PLCE1: variants seen among roughly 807,000 people sequenced by gnomAD.
PLCE1 encodes the protein 1-phosphatidylinositol 4,5-bisphosphate phosphodiesterase epsilon-1.
PLCE1 carries 119 observed loss-of-function variants against 242.8 expected under a neutral mutation model. The observed-to-expected ratio is 0.49, with a 90% confidence interval of 0.42 to 0.57. The LOEUF is 0.57. PLCE1 is among the 20% of genes least tolerant of loss of function. The pLI, the probability that PLCE1 is intolerant of heterozygous loss-of-function variation, is 0.00. For missense variants in PLCE1, 2,441 were observed against 2,788.8 expected (o/e 0.88, Z 2.81); for synonymous variants, 945 against 1,017.4 (o/e 0.93, Z 1.35).
At position 94,236,089 on chromosome 10, in the gene PLCE1, A is replaced by C. The variant is rs746317392; in HGVS notation, c.2389A>C (p.Lys797Gln). ...DSPSEGNSSRKSSLKDKSRWQ... is the reference protein window; with the variant it reads ...DSPSEGNSSRQSSLKDKSRWQ... ...CCCCAGTGAAGGAAACAGCTCCAGG[A>C]AAAGCTCCTTGAAGGATAAAAGCCG... Residue 797 changes from lysine (K) to glutamine (Q), a missense_variant, in exon 7 of 33, where the codon AAA (lysine) becomes CAA (glutamine). Physicochemically the swap from Lys to Gln is moderately conservative, Grantham distance 53. Coordinates refer to ENST00000371380, the MANE Select transcript of PLCE1 (RefSeq NM_016341.4). 1.2e-6 allele frequency: 2 copies of C among 1,613,918 alleles called. No individual in the cohort carries two copies. Among genetic ancestry groups the C allele is most frequent in the South Asian group, 2.2e-5 (2 of 91,084 alleles).
chr10:94,240,570 A>G (rs1210133723), intron 7 of PLCE1, among the ~76,000 whole-genome samples: 7 of 152,220 alleles, frequency 4.6e-5, no homozygotes, highest in South Asian at 2.1e-4. Flanking sequence ...ATCTTAAAAA[A>G]TTAAATTTAC....
At chr10:94,104,769 T>C (rs2045664998) in intron 2 of PLCE1, 1 of 152,204 alleles carries the variant, frequency 6.6e-6, no homozygotes, top group African/African-American at 2.4e-5. Flanking sequence ...ACTCTAAAAA[T>C]AAGGGCCAGA....
chr10:94,157,157 T>A (rs761814644), intron 3 of PLCE1, among the ~76,000 whole-genome samples: 4 of 152,070 alleles, frequency 2.6e-5, no homozygotes, highest in Non-Finnish European at 5.9e-5. Flanking sequence ...CACCAAAGGG[T>A]GCAAGTTGCA....
intron 2 of PLCE1, among the ~76,000 whole-genome samples, chr10:94,129,994 G>GCTC (rs2046549705): frequency 6.6e-6 from 1 of 152,156 alleles, no homozygotes; most frequent in African/African-American, 2.4e-5. Flanking sequence ...CTCCCCAGCT[G>GCTC]CTCCAGTTAG....
chr10:94,007,681 C>T (rs372108200), intron 1 of PLCE1, among the ~76,000 whole-genome samples: 30 of 145,722 alleles, frequency 2.1e-4, no homozygotes, highest in African/African-American at 7.3e-4. Context: ...CCTGTTAGTC[C>T]CCATCAAAGC....
At chr10:94,300,561 T>G (rs185223319) in intron 24 of PLCE1, among the ~76,000 whole-genome samples, 27 of 152,340 alleles carry the variant, frequency 1.8e-4, no homozygotes, top group African/African-American at 6.5e-4. Flanking sequence ...TGTGTTCATC[T>G]GTAAAAATGG....
rs1405199438 is a variant in PLCE1, at chr10:94,308,565, T to G, written c.5885-16T>G. The G allele has an allele frequency of 6.5e-7, 1 of 1,534,052 alleles. No homozygotes were observed. The highest frequency in any genetic ancestry group is 2.2e-5 in the East Asian group (1 of 44,498). ...GCCATGGTTAACAAGCTTTTCCCAA[T>G]TCTGTATTACTCCAGGATATCGACA... On this transcript the variant is annotated splice_polypyrimidine_tract_variant and intron_variant, in intron 26 of 32. Coordinates refer to ENST00000371380, the MANE Select transcript of PLCE1 (RefSeq NM_016341.4).
At chr10:94,265,768 T>C in intron 15 of PLCE1, 25 bp from the exon 16 acceptor site, 1 of 1,613,956 alleles carries the variant, frequency 6.2e-7, no homozygotes, top group East Asian at 2.2e-5. Flanking sequence ...TCCCATGCAG[T>C]CTTAAGAAAA....
chr10:94,141,510 AAGGTGAAGGGAAGGCTAAG>A (rs2046954106), intron 3 of PLCE1, among the ~76,000 whole-genome samples: 1 of 48,442 alleles, frequency 2.1e-5, no homozygotes, highest in Non-Finnish European at 5.1e-5. Flanking sequence ...AGGCGAAGGG[AAGGTGAAGGGAAGGCTAAG>A]GGAAGGTGAA....
At chr10:94,113,594 A>T (rs1035659643) in intron 2 of PLCE1, among the ~76,000 whole-genome samples, 44 of 152,228 alleles carry the variant, frequency 2.9e-4, no homozygotes, top group Admixed American at 2.9e-3. Flanking sequence ...GTATTCATTC[A>T]TTCAATTATC....
intron 2 of PLCE1, among the ~76,000 whole-genome samples, chr10:94,122,262 A>T (rs1012555590): frequency 6.6e-6 from 1 of 152,168 alleles, no homozygotes; most frequent in African/African-American, 2.4e-5. Context: ...TGCTCCTTAG[A>T]GCTGCAAGGA....
rs141840117 is a variant in PLCE1, at chr10:94,034,800, T to C, written c.1206+2548T>C. On this transcript the variant is annotated intron_variant, in intron 2 of 32. Coordinates refer to ENST00000371380, the MANE Select transcript of PLCE1 (RefSeq NM_016341.4). ...TCCCTTGGTGATTCTATAGATTCTA[T>C]GGAGTTGGGAACCATTGGCTAGGAG... Among the ~76,000 whole-genome samples, 70 of 152,310 alleles carry C rather than the reference T, an allele frequency of 4.6e-4. 1 individual carries two copies. The East Asian group carries it at 0.011, about 24-fold the overall frequency.
intron 2 of PLCE1, among the ~76,000 whole-genome samples, chr10:94,063,818 G>T (rs2044126908): frequency 6.6e-6 from 1 of 152,186 alleles, no homozygotes; most frequent in Non-Finnish European, 1.5e-5. Context: ...ATTAGGGAGT[G>T]AGGTTCAAAT....
At chr10:94,011,391 G>T (rs2061163684) in intron 1 of PLCE1, among the ~76,000 whole-genome samples, 1 of 152,076 alleles carries the variant, frequency 6.6e-6, no homozygotes, top group Non-Finnish European at 1.5e-5. Flanking sequence ...TCTCCCACTA[G>T]GCCCCACCTC....
intron 1 of PLCE1, among the ~76,000 whole-genome samples, chr10:94,016,752 A>T (rs2061290010): frequency 6.6e-6 from 1 of 152,192 alleles, no homozygotes; most frequent in South Asian, 2.1e-4. Flanking sequence ...CCTTTCTCAA[A>T]TTTTCCACAG....
At chr10:94,059,538 G>A (rs2043992121) in intron 2 of PLCE1, among the ~76,000 whole-genome samples, 2 of 152,184 alleles carry the variant, frequency 1.3e-5, no homozygotes, top group South Asian at 2.1e-4. Flanking sequence ...TAAAGTGAAA[G>A]TTTTACCTCT....
At chr10:94,322,613 C>T (rs1390250603) in intron 30 of PLCE1, among the ~76,000 whole-genome samples, 1 of 151,944 alleles carries the variant, frequency 6.6e-6, no homozygotes, top group African/African-American at 2.4e-5. Context: ...GGTGAAACCC[C>T]ATCTCTACTA....
At chr10:94,176,322 C>T (rs765161522) in intron 4 of PLCE1, among the ~76,000 whole-genome samples, 1 of 152,130 alleles carries the variant, frequency 6.6e-6, no homozygotes, top group Non-Finnish European at 1.5e-5. Flanking sequence ...ATTGCCTGAT[C>T]CTGGGAGGTC....
Position 94,246,207 on chromosome 10 carries a change from A to G in PLCE1, c.2682A>G (p.Val894=), listed in dbSNP as rs2050673552. The G allele has an allele frequency of 1.9e-6, 3 of 1,614,034 alleles. No individual in the cohort carries two copies. The highest frequency in any genetic ancestry group is 8.5e-7 in the Non-Finnish European group (1 of 1,180,004). Residue 894 remains valine (V), a synonymous_variant, in exon 8 of 33, where the codon GTA becomes GTG. Coordinates refer to ENST00000371380, the MANE Select transcript of PLCE1 (RefSeq NM_016341.4). ...LQPDNSTLTW[V]KPTTASPASS... ...CCGACAATAGCACCTTGACCTGGGT[A>G]AAGCCCACAACTGCCTCCCCAGCCA...
Sources: gnomAD v4.1 joint callset for allele counts (sites outside exome capture counted in the v4.1 genomes callset) on GRCh38, gnomAD v4.1.1 for gene constraint, MANE v1.5 for transcripts, NCBI Gene and HGNC (gene_info 2026-07-23, HGNC 2026-07-21) for gene names.